SRBD1: variants seen among roughly 807,000 people sequenced by gnomAD.
SRBD1 encodes S1 RNA-binding domain-containing protein 1.
A neutral mutation model predicts 115.3 loss-of-function variants in SRBD1; 88 were observed. The ratio of observed to expected loss-of-function variants is 0.76; its 90% CI spans 0.64 to 0.91. SRBD1 has a LOEUF of 0.91. Ranked by LOEUF, SRBD1 falls within the 40% of genes least tolerant of loss-of-function variation. SRBD1 has a pLI of 0.00. For missense variants in SRBD1, 1,385 were observed against 1,177.4 expected, an observed-to-expected ratio of 1.18 and a Z score of -2.58; for synonymous variants, 509 against 407.7, an observed-to-expected ratio of 1.25 and a Z score of -2.99.
intron 9 of SRBD1, among the ~76,000 whole-genome samples, chr2:45,566,362 A>G (rs1211144704): frequency 1.3e-5 from 2 of 152,236 alleles, no homozygotes; most frequent in Non-Finnish European, 2.9e-5. Context: ...ATATAATGTA[A>G]TATTACGTAG....
intron 16 of SRBD1, among the ~76,000 whole-genome samples, chr2:45,428,616 A>G (rs1668235319): frequency 6.6e-6 from 1 of 152,238 alleles, no homozygotes; most frequent in Non-Finnish European, 1.5e-5. Context: ...TTTGAAACCA[A>G]TAAGAACAAA....
intron 4 of SRBD1, among the ~76,000 whole-genome samples, chr2:45,594,569 G>A (rs1034623079): frequency 1.3e-5 from 2 of 152,202 alleles, no homozygotes; most frequent in African/African-American, 2.4e-5. Flanking sequence ...AGAAAGGGCT[G>A]AAAAGGAGTA....
chr2:45,431,067 C>A (rs903557629), intron 16 of SRBD1, among the ~76,000 whole-genome samples: 1 of 152,120 alleles, frequency 6.6e-6, no homozygotes, highest in African/African-American at 2.4e-5. Context: ...ATTAGAGAAA[C>A]ACAATCAAAA....
intron 19 of SRBD1, among the ~76,000 whole-genome samples, chr2:45,400,780 T>C (rs972449918): frequency 1.3e-5 from 2 of 152,126 alleles, no homozygotes; most frequent in Admixed American, 1.3e-4. Flanking sequence ...ATGGTACTAT[T>C]ATTACGCACA....
At chr2:45,602,882 G>A (rs1674143716) in intron 2 of SRBD1, among the ~76,000 whole-genome samples, 1 of 152,156 alleles carries the variant, frequency 6.6e-6, no homozygotes, top group Non-Finnish European at 1.5e-5. Context: ...AAACCTGACT[G>A]GATGACTTCT....
At chr2:45,476,881 T>C (rs1318170044) in intron 16 of SRBD1, 112 bp downstream of exon 16, 1 of 940,744 alleles carries the variant, frequency 1.1e-6, no homozygotes. Flanking sequence ...ACAAACTGTA[T>C]AACCTTGAAA....
rs115534242 is a variant in SRBD1, at chr2:45,490,264, G to T, written c.1875-1933C>A. ...CATTATAGTGGCATTTCCTAACCAG[G>T]GGCCCTTGGACTATTGGGCAGGAAG... On this transcript the variant is annotated intron_variant, in intron 14 of 20. Coordinates refer to ENST00000263736, the MANE Select transcript of SRBD1 (RefSeq NM_018079.5). 2.3e-3 allele frequency among the ~76,000 whole-genome samples: 345 copies of T among 152,084 alleles called. 1 individual carries two copies. Among genetic ancestry groups the T allele is most frequent in the African/African-American group, 7.8e-3 (325 of 41,522 alleles).
At chr2:45,426,063 C>T (rs1668144910) in intron 16 of SRBD1, among the ~76,000 whole-genome samples, 2 of 152,134 alleles carry the variant, frequency 1.3e-5, no homozygotes, top group South Asian at 4.1e-4. Flanking sequence ...TCAGCAGATC[C>T]CAACCCCATG....
chr2:45,539,693 C>G (rs1214852176), intron 14 of SRBD1, among the ~76,000 whole-genome samples: 1 of 152,102 alleles, frequency 6.6e-6, no homozygotes, highest in Non-Finnish European at 1.5e-5. Context: ...TTAAGTGATC[C>G]CAAACTGGTA....
chr2:45,557,810 T>C (rs886784109), intron 10 of SRBD1, among the ~76,000 whole-genome samples: 2 of 152,186 alleles, frequency 1.3e-5, no homozygotes, highest in African/African-American at 2.4e-5. Flanking sequence ...ATCTCAAAAC[T>C]TGATTCTTCC....
intron 14 of SRBD1, among the ~76,000 whole-genome samples, chr2:45,506,689 C>G (rs1670809421): frequency 6.6e-6 from 1 of 152,022 alleles, no homozygotes; most frequent in Non-Finnish European, 1.5e-5. Context: ...CTTCTAAGAC[C>G]AATTAAAATA....
intron 7 of SRBD1, among the ~76,000 whole-genome samples, chr2:45,576,138 CTTT>C (rs1673170416): frequency 1.3e-5 from 2 of 151,696 alleles, no homozygotes; most frequent in South Asian, 2.1e-4. Flanking sequence ...CCTCCTCCTC[CTTT>C]TTCTCGTCAG....
chr2:45,548,770 G>A (rs1195496558), intron 12 of SRBD1, among the ~76,000 whole-genome samples: 1 of 146,846 alleles, frequency 6.8e-6, no homozygotes, highest in Non-Finnish European at 1.5e-5. Context: ...AAAATGAACA[G>A]CATAAAAAGA....
intron 14 of SRBD1, among the ~76,000 whole-genome samples, chr2:45,544,620 C>T (rs974195644): frequency 6.6e-6 from 1 of 152,106 alleles, no homozygotes; most frequent in African/African-American, 2.4e-5. Context: ...TACACAAGTA[C>T]GATAGACATT....
intron 14 of SRBD1, among the ~76,000 whole-genome samples, chr2:45,532,800 AC>A (rs1347033925): frequency 6.8e-6 from 1 of 146,714 alleles, no homozygotes. Flanking sequence ...AGGTTTACCG[AC>A]CCCCCACTGC....
intron 10 of SRBD1, among the ~76,000 whole-genome samples, chr2:45,561,950 C>T (rs1195719163): frequency 6.6e-6 from 1 of 152,024 alleles, no homozygotes; most frequent in African/African-American, 2.4e-5. Flanking sequence ...TTCCATCATC[C>T]TTAAAGAGCT....
intron 2 of SRBD1, among the ~76,000 whole-genome samples, chr2:45,603,784 C>T (rs1222122433): frequency 1.3e-5 from 2 of 152,136 alleles, no homozygotes; most frequent in Non-Finnish European, 2.9e-5. Context: ...CCCGACGTGG[C>T]CTCCCAAAGC....
intron 14 of SRBD1, among the ~76,000 whole-genome samples, chr2:45,539,591 G>A (rs67622780): frequency 0.36 from 54,477 of 152,046 alleles, 10,819 homozygotes; most frequent in Non-Finnish European, 0.46. Context: ...AACTACTGAT[G>A]AGAATATGGA....
At chr2:45,555,059 T>C (rs2104071841) in intron 10 of SRBD1, among the ~76,000 whole-genome samples, 1 of 150,898 alleles carries the variant, frequency 6.6e-6, no homozygotes, top group East Asian at 2.0e-4. Flanking sequence ...AGACCACAAA[T>C]TTCCAGCTCC....
Sources: gnomAD v4.1 joint callset for allele counts (sites outside exome capture counted in the v4.1 genomes callset) on GRCh38, gnomAD v4.1.1 for gene constraint, MANE v1.5 for transcripts, NCBI Gene and HGNC (gene_info 2026-07-23, HGNC 2026-07-21) for gene names.